COBL: variants seen among roughly 807,000 people sequenced by gnomAD.
COBL encodes cordon-bleu WH2 repeat protein, also known as protein cordon-bleu.
A neutral mutation model predicts 98.8 loss-of-function variants in COBL; 51 were observed. The ratio of observed to expected loss-of-function variants is 0.52; its 90% CI spans 0.41 to 0.65. COBL has a LOEUF of 0.65. Among genes scored for constraint, COBL ranks in the 30% least tolerant of loss-of-function variants. The pLI is 0.00. For synonymous variants in COBL, 634 were observed against 651.7 expected (o/e 0.97, Z 0.41); for missense variants, 1,617 against 1,617.5 (o/e 1.00, Z 0.01).
intron 2 of COBL, among the ~76,000 whole-genome samples, chr7:51,200,130 A>C (rs1790980514): frequency 1.3e-5 from 2 of 152,216 alleles, no homozygotes; most frequent in African/African-American, 2.4e-5. Context: ...CAAAGTACTG[A>C]AAGAAAAAAA....
chr7:51,203,457 G>A (rs560658487), intron 2 of COBL, among the ~76,000 whole-genome samples: 17 of 74,932 alleles, frequency 2.3e-4, no homozygotes, highest in East Asian at 4.0e-4. Context: ...GCGAGACTCC[G>A]TCTCAAAAAA....
chr7:51,086,331 T>C (rs1794234823), intron 6 of COBL, among the ~76,000 whole-genome samples: 2 of 126,190 alleles, frequency 1.6e-5, no homozygotes, highest in Admixed American at 2.0e-4. Flanking sequence ...CACTCCAGCC[T>C]GGGTGATGTA....
chr7:51,217,378 G>C (rs1284251881), intron 2 of COBL, among the ~76,000 whole-genome samples: 1 of 85,702 alleles, frequency 1.2e-5, no homozygotes, highest in Non-Finnish European at 2.2e-5. Context: ...TTTCTCTCTT[G>C]TTGCCCAGGC....
chr7:51,224,592 C>T (rs935589297), intron 1 of COBL, among the ~76,000 whole-genome samples: 4 of 152,092 alleles, frequency 2.6e-5, no homozygotes, highest in African/African-American at 7.2e-5. Flanking sequence ...CTGTACTGCA[C>T]ATCACAGGAG....
chr7:51,143,235 C>T (rs141131340), intron 5 of COBL, among the ~76,000 whole-genome samples: 95 of 152,124 alleles, frequency 6.2e-4, no homozygotes, highest in African/African-American at 2.2e-3. Flanking sequence ...TGACTGCTTG[C>T]GGTCAGATGC....
intron 6 of COBL, among the ~76,000 whole-genome samples, chr7:51,112,845 T>C (rs1023517482): frequency 6.6e-6 from 1 of 152,192 alleles, no homozygotes; most frequent in Non-Finnish European, 1.5e-5. Flanking sequence ...ACATAATAAT[T>C]GTGCTCTTGA....
rs192888893 is a variant in COBL at position 51,272,993 on chromosome 7, T to A, written c.41+43600A>T. ...AACAACAACAACAACAACAAAAACA[T>A]CCTTCTCTTAAGGAATAAAAGTCAA... On this transcript the variant is annotated intron_variant, in intron 1 of 12. Coordinates refer to ENST00000265136, the MANE Select transcript of COBL (RefSeq NM_015198.5). Among the ~76,000 whole-genome samples the A allele has an allele frequency of 7.6e-3, 1,149 of 151,548 alleles. 15 individuals carry two copies. The highest frequency in any genetic ancestry group is 0.027 in the African/African-American group (1,116 of 41,120).
In COBL at chr7:51,016,865, T is replaced by C. The variant is rs1026529747; in HGVS notation, c.*686A>G. 14 of 398,826 alleles carry C rather than the reference T, an allele frequency of 3.5e-5. No individual in the cohort carries two copies. The highest frequency in any genetic ancestry group is 5.3e-5 in the Non-Finnish European group (12 of 226,426). The allele number at this position is 398,826 out of a possible 1,614,324, so 24.7% of individuals were successfully genotyped here. On this transcript the variant is annotated 3_prime_UTR_variant, in exon 13 of 13. Transcript: ENST00000265136. ...CCGCCACCCTTGCAGGACTCGGGCATGCCCTGGCCACATGATCACGTAGGA... is the reference window on the plus strand; with the variant it reads ...CCGCCACCCTTGCAGGACTCGGGCACGCCCTGGCCACATGATCACGTAGGA...
intron 1 of COBL, among the ~76,000 whole-genome samples, chr7:51,313,498 G>A (rs1373483783): frequency 4.6e-5 from 7 of 152,210 alleles, no homozygotes; most frequent in Admixed American, 2.6e-4. Flanking sequence ...ACATTTTGAC[G>A]AAACTGATTA....
intron 1 of COBL, among the ~76,000 whole-genome samples, chr7:51,232,297 A>G (rs1306825902): frequency 6.6e-6 from 1 of 151,252 alleles, no homozygotes; most frequent in Non-Finnish European, 1.5e-5. Flanking sequence ...GGAAAAGCAC[A>G]GAATCACCAT....
chr7:51,268,250 GA>G, intron 1 of COBL, among the ~76,000 whole-genome samples: 1 of 152,324 alleles, frequency 6.6e-6, no homozygotes, highest in East Asian at 1.9e-4. Flanking sequence ...TCCAGGACTA[GA>G]AGAGAGCATG....
In COBL at chr7:51,054,314, T is replaced by C. The variant is rs183019451; in HGVS notation, c.1097-10622A>G. Among the ~76,000 whole-genome samples the C allele has an allele frequency of 2.6e-5, 4 of 152,294 alleles. No individual in the cohort carries two copies. In the East Asian group the frequency reaches 7.7e-4, roughly 29 times the overall value. ...ATTTCCTTATGGACGGCTTTTTAAATTTTGCCATCTATAAAATCTACTGAG... is the reference window on the plus strand; with the variant it reads ...ATTTCCTTATGGACGGCTTTTTAAACTTTGCCATCTATAAAATCTACTGAG... On this transcript the variant is annotated intron_variant, in intron 7 of 12. Transcript: ENST00000265136.
At chr7:51,022,518 C>T (rs1371882017) in intron 12 of COBL, 2 of 152,226 alleles carry the variant, frequency 1.3e-5, no homozygotes, top group Non-Finnish European at 2.9e-5. Context: ...GTGCATTTCT[C>T]CCCACTTTCT....
At chr7:51,176,958 T>C (rs1788431439) in intron 5 of COBL, among the ~76,000 whole-genome samples, 1 of 152,218 alleles carries the variant, frequency 6.6e-6, no homozygotes, top group African/African-American at 2.4e-5. Flanking sequence ...CTTTGGTAAA[T>C]GAGGCTAGTT....
intron 6 of COBL, among the ~76,000 whole-genome samples, chr7:51,107,373 C>T (rs1447137413): frequency 2.0e-5 from 3 of 152,084 alleles, no homozygotes; most frequent in Admixed American, 6.5e-5. Context: ...AGGTGTGAGC[C>T]ACCACACCCA....
chr7:51,190,930 ATGT>A lies in COBL; in HGVS notation c.602_604del (p.Asn201del). 6.2e-7 allele frequency: 1 copy of A among 1,614,154 alleles called. No homozygotes were observed. Among genetic ancestry groups the A allele is most frequent in the South Asian group, 1.1e-5 (1 of 91,058 alleles). On this transcript the variant is annotated inframe_deletion, in exon 4 of 13. Coordinates refer to ENST00000265136, the MANE Select transcript of COBL (RefSeq NM_015198.5). ...GGACAGCTCCAGCTCCTCTCCGGCA[ATGT>A]TGTCCCTGAGGAGAACCACGTGCTC... is the stretch of plus-strand genomic sequence containing the variant.
At chr7:51,083,077 G>C (rs765978718) in intron 7 of COBL, 120 of 1,536,076 alleles carry the variant, frequency 7.8e-5, no homozygotes, top group Non-Finnish European at 9.7e-5. Context: ...TCGGGTCTGA[G>C]GCCTCGGAAC....
chr7:51,043,445 T>G lies in COBL; in HGVS notation c.1344A>C (p.Pro448=), dbSNP rs201698641. The G allele has an allele frequency of 5.6e-5, 91 of 1,614,124 alleles. No individual in the cohort carries two copies. The highest frequency in any genetic ancestry group is 8.3e-5 in the Admixed American group (5 of 60,014). ...AGGGGCTCTTCTGGGGACCCAGGTC[T>G]GGGGTTCCAGCGAGGTCCTGGTCAC... ...DCSDQDLAGT[P]DLGPQKSPLW... Residue 448 remains proline (P), a synonymous_variant, in exon 8 of 13, where the codon CCA becomes CCC. Coordinates refer to ENST00000265136, the MANE Select transcript of COBL (RefSeq NM_015198.5).
intron 4 of COBL, among the ~76,000 whole-genome samples, chr7:51,186,277 C>T (rs1018831804): frequency 3.3e-5 from 5 of 152,292 alleles, no homozygotes; most frequent in South Asian, 2.1e-4. Flanking sequence ...CAGTTCACGA[C>T]GGCTTTATCC....
Sources: allele counts gnomAD v4.1 joint callset (sites outside exome capture counted in the v4.1 genomes callset), GRCh38; gene constraint gnomAD v4.1.1; transcripts MANE v1.5; gene names NCBI Gene and HGNC (gene_info 2026-07-23, HGNC 2026-07-21).